EPB41L5: variants seen among roughly 807,000 people sequenced by gnomAD.
EPB41L5 encodes the protein band 4.1-like protein 5.
EPB41L5 carries 55 observed loss-of-function variants against 106.6 expected under a neutral mutation model. The observed-to-expected ratio is 0.52, with a 90% CI of 0.42 to 0.65. EPB41L5 has a LOEUF of 0.65. EPB41L5 is among the 30% of genes least tolerant of loss of function. The probability of loss-of-function intolerance (pLI) is 0.00; values close to 1 mark genes in which losing one functional copy is unlikely to be tolerated. For synonymous variants in EPB41L5, 297 were observed against 306.7 expected (o/e 0.97, Z 0.33); for missense variants, 871 against 882.1 (o/e 0.99, Z 0.16).
intron 3 of EPB41L5, among the ~76,000 whole-genome samples, chr2:120,056,821 T>C (rs1417200761): frequency 6.6e-6 from 1 of 152,184 alleles, no homozygotes; most frequent in Non-Finnish European, 1.5e-5. Flanking sequence ...TGAAACCATC[T>C]GGTTCTGGGC....
At chr2:120,120,676 A>G (rs1685177346) in intron 16 of EPB41L5, among the ~76,000 whole-genome samples, 1 of 152,148 alleles carries the variant, frequency 6.6e-6, no homozygotes. Flanking sequence ...TGGAAGCTCA[A>G]AAAAACCCAT....
At chr2:120,091,445 G>C (rs1322204732) in intron 12 of EPB41L5, 110 bp from the exon 13 acceptor site, 3 of 699,384 alleles carry the variant, frequency 4.3e-6, no homozygotes, top group Non-Finnish European at 7.5e-6. Flanking sequence ...CCTGTGCGAT[G>C]AAGTTTAGGA....
chr2:120,093,938 A>C (rs1179979069), intron 14 of EPB41L5, among the ~76,000 whole-genome samples: 2 of 152,156 alleles, frequency 1.3e-5, no homozygotes, highest in Non-Finnish European at 2.9e-5. Context: ...AAAAATTCTT[A>C]TGAGAGATCT....
At chr2:120,055,481 ATTTTTTTTTTTT>A (rs34856540) in intron 3 of EPB41L5, among the ~76,000 whole-genome samples, 1 of 85,552 alleles carries the variant, frequency 1.2e-5, no homozygotes, top group Non-Finnish European at 2.2e-5. Flanking sequence ...TAGGTTTTTA[ATTTTTTTTTTTT>A]TTTTTTTTTT....
intron 16 of EPB41L5, among the ~76,000 whole-genome samples, chr2:120,103,863 A>T (rs921177068): frequency 6.6e-6 from 1 of 152,112 alleles, no homozygotes; most frequent in East Asian, 1.9e-4. Context: ...GGTATTTTTC[A>T]TTACATGTAA....
rs1677553014 is a variant in EPB41L5 at position 120,016,699 on chromosome 2, G to T, written c.-8-2378G>T. Among the ~76,000 whole-genome samples the T allele has an allele frequency of 2.6e-5, 4 of 151,918 alleles. No individual in the cohort carries two copies. The South Asian group carries it at 8.3e-4, about 32-fold the overall frequency. On this transcript the variant is annotated intron_variant, in intron 1 of 24. Transcript: ENST00000263713. ...GATGTAGAGTCTCAGTCTCACTCAG[G>T]TTGGAGTGCACTGGTGGGATATCAT...
intron 18 of EPB41L5, among the ~76,000 whole-genome samples, chr2:120,132,345 C>T (rs1685735043): frequency 6.6e-6 from 1 of 152,152 alleles, no homozygotes; most frequent in Non-Finnish European, 1.5e-5. Flanking sequence ...TAGGTAATGA[C>T]CTGGAAATGG....
chr2:120,153,039 G>A (rs1472917129), intron 20 of EPB41L5, among the ~76,000 whole-genome samples: 1 of 152,022 alleles, frequency 6.6e-6, no homozygotes, highest in East Asian at 1.9e-4. Context: ...CTAACTTTTG[G>A]ATTTAAGTTT....
At chr2:120,113,522 T>G (rs748632056) in intron 16 of EPB41L5, among the ~76,000 whole-genome samples, 1 of 152,232 alleles carries the variant, frequency 6.6e-6, no homozygotes, top group Non-Finnish European at 1.5e-5. Flanking sequence ...ATTAATAATA[T>G]TATGTGTAAC....
rs1021231088 is a variant in EPB41L5, at chr2:120,050,556, C to T, written c.285+8446C>T. On this transcript the variant is annotated intron_variant, in intron 3 of 24. Transcript: ENST00000263713. ...ACACTAGTTATTCTAGTTAGCCATTCGTCTAATCTTTTTTCAAGGTTTTTA... is the reference window on the plus strand; with the variant it reads ...ACACTAGTTATTCTAGTTAGCCATTTGTCTAATCTTTTTTCAAGGTTTTTA... Among the ~76,000 whole-genome samples the T allele has an allele frequency of 5.3e-5, 8 of 152,228 alleles. No homozygotes were observed. The East Asian group carries it at 7.7e-4, about 15-fold the overall frequency.
intron 10 of EPB41L5, among the ~76,000 whole-genome samples, chr2:120,081,308 G>A (rs925785963): frequency 1.7e-4 from 26 of 152,304 alleles, no homozygotes; most frequent in African/African-American, 6.0e-4. Flanking sequence ...AAGGGATCCA[G>A]TTTCAGCTTT....
At chr2:120,126,759 A>G (rs1685474391) in intron 16 of EPB41L5, among the ~76,000 whole-genome samples, 1 of 152,152 alleles carries the variant, frequency 6.6e-6, no homozygotes, top group Admixed American at 6.5e-5. Context: ...TGGCTATTCT[A>G]GCTGCTTTGG....
chr2:120,068,533 G>C (rs193050046), intron 3 of EPB41L5, among the ~76,000 whole-genome samples: 5 of 152,326 alleles, frequency 3.3e-5, no homozygotes, highest in Non-Finnish European at 7.4e-5. Flanking sequence ...AGGGGCGTCC[G>C]CCGTTACTGA....
At chr2:120,146,365 C>A in intron 20 of EPB41L5, 76 bp downstream of exon 20, 1 of 1,078,064 alleles carries the variant, frequency 9.3e-7, no homozygotes, top group Non-Finnish European at 1.4e-6. Flanking sequence ...AGTCTGTCAC[C>A]ACATGGTTTC....
intron 2 of EPB41L5, among the ~76,000 whole-genome samples, chr2:120,022,285 C>G (rs1210142389): frequency 6.6e-6 from 1 of 152,068 alleles, no homozygotes; most frequent in Non-Finnish European, 1.5e-5. Flanking sequence ...CTGTACACAT[C>G]AACCCGTCAT....
Position 120,160,952 on chromosome 2 carries a change from C to T in EPB41L5, c.1865C>T (p.Ala622Val). ...SLETLMLITPADSGSVLKEAT... is the reference protein window; with the variant it reads ...SLETLMLITPVDSGSVLKEAT... ...GAGACTCTGATGCTTATCACACCTG[C>T]CGACAGTGGTTCTGTTCTAAAGGTA... The change falls in exon 21 of 25, where the codon GCC (alanine) becomes GTC (valine). Residue 622 changes from alanine (A) to valine (V), a missense_variant. Coordinates refer to ENST00000263713, the MANE Select transcript of EPB41L5 (RefSeq NM_020909.4). 6.2e-7 allele frequency: 1 copy of T among 1,613,748 alleles called. No individual in the cohort carries two copies. The highest frequency in any genetic ancestry group is 8.5e-7 in the Non-Finnish European group (1 of 1,179,654).
intron 19 of EPB41L5, among the ~76,000 whole-genome samples, chr2:120,144,091 T>C (rs1055009508): frequency 3.9e-5 from 6 of 152,212 alleles, no homozygotes; most frequent in African/African-American, 7.2e-5. Flanking sequence ...GTAATAGTTA[T>C]TATTTGCTAT....
At chr2:120,021,996 G>A (rs1298399162) in intron 2 of EPB41L5, among the ~76,000 whole-genome samples, 1 of 152,082 alleles carries the variant, frequency 6.6e-6, no homozygotes, top group East Asian at 1.9e-4. Flanking sequence ...AATAGGGTGA[G>A]AAGGCCTTTC....
intron 5 of EPB41L5, chr2:120,074,385 C>CT: frequency 2.0e-6 from 1 of 492,264 alleles, no homozygotes; most frequent in African/African-American, 2.0e-5. Flanking sequence ...GAGTTGGTTT[C>CT]TTAGCATCCT....
Sources: allele counts gnomAD v4.1 joint callset (sites outside exome capture counted in the v4.1 genomes callset), GRCh38; gene constraint gnomAD v4.1.1; transcripts MANE v1.5; gene names NCBI Gene and HGNC (gene_info 2026-07-23, HGNC 2026-07-21).